GRM7: variants seen among roughly 807,000 people sequenced by gnomAD.
The protein encoded by GRM7 is glutamate metabotropic receptor 7, also known as metabotropic glutamate receptor 7.
In GRM7, 35 loss-of-function variants were observed where a neutral mutation model predicts 84.5. That is an observed-to-expected ratio of 0.41 (90% CI 0.32 to 0.55). The LOEUF (loss-of-function observed/expected upper bound fraction) is 0.55. Among genes scored for constraint, GRM7 ranks in the 20% least tolerant of loss-of-function variants. GRM7 has a pLI of 0.19. For synonymous variants in GRM7, 487 were observed against 455.1 expected, an observed-to-expected ratio of 1.07 and a Z score of -0.89; for missense variants, 1,003 against 1,194.6, an observed-to-expected ratio of 0.84 and a Z score of 2.36.
At chr3:7,220,733 T>G (rs9311982) in intron 2 of GRM7, among the ~76,000 whole-genome samples, 8,492 of 152,276 alleles carry the variant, frequency 0.056, 627 homozygotes, top group African/African-American at 0.17. Context: ...CTGGGTGGTG[T>G]GATGTGCCTG....
In GRM7 at chr3:7,446,586, C is replaced by T. The variant is rs796324799; in HGVS notation, c.1175-6021C>T. The stretch of plus-strand genomic sequence containing the variant: ...AGGCAATTCTCCTGTCTCAGCCTCT[C>T]GAGTAGCTGGGATTTCAGGCACACG... On this transcript the variant is annotated intron_variant, in intron 5 of 9. Transcript: ENST00000357716. 4.6e-5 allele frequency among the ~76,000 whole-genome samples: 7 copies of T among 151,422 alleles called. 1 individual carries two copies. Among genetic ancestry groups the T allele is most frequent in the African/African-American group, 1.5e-4 (6 of 41,326 alleles).
At chr3:7,090,132 C>T (rs1036703801) in intron 1 of GRM7, among the ~76,000 whole-genome samples, 10 of 152,056 alleles carry the variant, frequency 6.6e-5, no homozygotes, top group Admixed American at 2.6e-4. Flanking sequence ...CATGAGCCAC[C>T]GTGCCCAGCC....
At chr3:7,470,272 T>A (rs1698644896) in intron 7 of GRM7, among the ~76,000 whole-genome samples, 1 of 152,190 alleles carries the variant, frequency 6.6e-6, no homozygotes, top group South Asian at 2.1e-4. Context: ...TTTCTAAAAA[T>A]CAGCAATAAT....
intron 7 of GRM7, among the ~76,000 whole-genome samples, chr3:7,539,282 C>T (rs7645036): frequency 0.096 from 14,551 of 152,128 alleles, 1,159 homozygotes; most frequent in African/African-American, 0.22. Context: ...AAAAATGTCA[C>T]GAGAACAGCG....
At chr3:7,182,287 T>A (rs1010315554) in intron 2 of GRM7, among the ~76,000 whole-genome samples, 9 of 152,194 alleles carry the variant, frequency 5.9e-5, no homozygotes, top group Admixed American at 1.3e-4. Context: ...CTTAAGCATT[T>A]CACTCATTAA....
intron 2 of GRM7, among the ~76,000 whole-genome samples, chr3:7,252,422 G>T (rs1698025652): frequency 6.6e-6 from 1 of 152,188 alleles, no homozygotes; most frequent in South Asian, 2.1e-4. Context: ...ATGGCCTGTT[G>T]ATTCTTTAAA....
intron 1 of GRM7, among the ~76,000 whole-genome samples, chr3:7,123,416 C>G (rs1693290077): frequency 6.6e-6 from 1 of 152,060 alleles, no homozygotes. Flanking sequence ...GTCAGGAGTT[C>G]AAAACCAACC....
chr3:7,180,563 G>A (rs111343283), intron 2 of GRM7, among the ~76,000 whole-genome samples: 2,988 of 152,220 alleles, frequency 0.02, 82 homozygotes, highest in African/African-American at 0.068. Flanking sequence ...AATTTGAAGA[G>A]CTGGGTTCAA....
At chr3:7,376,430 C>T (rs945721714) in intron 4 of GRM7, among the ~76,000 whole-genome samples, 1 of 152,156 alleles carries the variant, frequency 6.6e-6, no homozygotes, top group Non-Finnish European at 1.5e-5. Context: ...TTAAGGAAAA[C>T]AGGTGAGGAA....
intron 8 of GRM7, among the ~76,000 whole-genome samples, chr3:7,606,567 T>C (rs1696584728): frequency 6.6e-6 from 1 of 152,184 alleles, no homozygotes; most frequent in African/African-American, 2.4e-5. Context: ...GGTCTCTCTT[T>C]GTCACCCAGG....
chr3:7,349,299 C>A (rs1282545850), intron 4 of GRM7, among the ~76,000 whole-genome samples: 1 of 152,158 alleles, frequency 6.6e-6, no homozygotes, highest in East Asian at 1.9e-4. Context: ...CCACTGCAAA[C>A]TTTCCATTTC....
intron 1 of GRM7, among the ~76,000 whole-genome samples, chr3:6,952,653 C>T (rs1439034620): frequency 6.6e-6 from 1 of 152,112 alleles, no homozygotes; most frequent in Non-Finnish European, 1.5e-5. Context: ...GAAAACTGAT[C>T]CTTAATGATC....
At chr3:7,201,123 C>G (rs1446692169) in intron 2 of GRM7, among the ~76,000 whole-genome samples, 1 of 151,942 alleles carries the variant, frequency 6.6e-6, no homozygotes, top group Non-Finnish European at 1.5e-5. Context: ...ACACCCACCA[C>G]CACGCCCGGC....
At chr3:6,949,056 T>TTTAACA (rs200684317) in intron 1 of GRM7, among the ~76,000 whole-genome samples, 31,291 of 151,968 alleles carry the variant, frequency 0.21, 3,404 homozygotes, top group East Asian at 0.34. Context: ...CCCATTTACA[T>TTTAACA]TTAAGGTTAG....
At chr3:7,000,545 A>G (rs919533640) in intron 1 of GRM7, among the ~76,000 whole-genome samples, 6 of 152,154 alleles carry the variant, frequency 3.9e-5, no homozygotes, top group Non-Finnish European at 8.8e-5. Context: ...TAGGAAAAAC[A>G]TGCACTACAA....
rs567380326 is a variant in GRM7, at chr3:7,272,577, C to A, written c.737-26107C>A. 2.0e-5 allele frequency among the ~76,000 whole-genome samples: 3 copies of A among 152,182 alleles called. No individual in the cohort carries two copies. In the South Asian group the frequency reaches 6.2e-4, roughly 32 times the overall value. On this transcript the variant is annotated intron_variant, in intron 2 of 9. Coordinates refer to ENST00000357716, the MANE Select transcript of GRM7 (RefSeq NM_000844.4). ...CCATTTCTTCTTGTGGGAGTTTTGG[C>A]AGATTGTGTCTTTCAAGGAGTTGGT...
intron 1 of GRM7, among the ~76,000 whole-genome samples, chr3:7,109,764 A>T (rs781242128): frequency 1.1e-4 from 17 of 152,136 alleles, no homozygotes; most frequent in Non-Finnish European, 1.8e-4. Flanking sequence ...TTCTTTTTTT[A>T]AAATTATGTG....
chr3:7,544,924 C>A (rs946030078), intron 7 of GRM7, among the ~76,000 whole-genome samples: 4 of 152,230 alleles, frequency 2.6e-5, no homozygotes, highest in Non-Finnish European at 5.9e-5. Context: ...ATTTTTGCCC[C>A]CTTAGGGGCA....
At chr3:7,628,633 C>T (rs1037277089) in intron 8 of GRM7, among the ~76,000 whole-genome samples, 12 of 151,952 alleles carry the variant, frequency 7.9e-5, no homozygotes, top group South Asian at 6.2e-4. Context: ...AATAATTATA[C>T]GTCTAACTCA....
Sources: allele counts gnomAD v4.1 joint callset (sites outside exome capture counted in the v4.1 genomes callset), GRCh38; gene constraint gnomAD v4.1.1; transcripts MANE v1.5; gene names NCBI Gene and HGNC (gene_info 2026-07-23, HGNC 2026-07-21).